The following OR2V1 variants were observed in gnomAD, a reference collection of about 807,000 sequenced individuals.
OR2V1 encodes the protein olfactory receptor family 2 subfamily V member 1, also known as olfactory receptor 2V1.
A neutral mutation model predicts 15.0 loss-of-function variants in OR2V1; 18 were observed. That is an observed-to-expected ratio of 1.20 (90% CI 0.83 to 1.78). The LOEUF (loss-of-function observed/expected upper bound fraction) is 1.78, where lower values mean the gene tolerates loss of function less well. OR2V1 is among the 40% of genes most tolerant of loss of function. The pLI is 0.00. For missense variants in OR2V1, 359 were observed against 392.9 expected (o/e 0.91, Z 0.73); for synonymous variants, 144 against 146.1 (o/e 0.99, Z 0.10).
At position 181,123,346 on chromosome 5, in the gene OR2V1, G is replaced by C; in HGVS notation, c.*1011C>G. ...CCCTCCGGAGGTCCTGACGACACGT[G>C]CCCAAGGTGGTCAGGGCACGCTTGG... is the stretch of plus-strand genomic sequence containing the variant. On this transcript the variant is annotated 3_prime_UTR_variant, in exon 4 of 4. Coordinates refer to ENST00000641551, the MANE Select transcript of OR2V1 (RefSeq NM_001258283.2). 6.6e-6 allele frequency: 1 copy of C among 152,490 alleles called. No homozygotes were observed. Among genetic ancestry groups the C allele is most frequent in the Non-Finnish European group, 1.5e-5 (1 of 68,122 alleles). The allele number at this position is 152,490 out of a possible 1,614,324, so 9.4% of individuals were successfully genotyped here.
intron 3 of OR2V1, among the ~76,000 whole-genome samples, chr5:181,128,192 TCACA>T (rs34343246): frequency 0.19 from 7,929 of 41,352 alleles, 640 homozygotes; most frequent in African/African-American, 0.36. Context: ...TGTCCTCTCC[TCACA>T]CACACACACA....
chr5:181,130,482 G>T, intron 1 of OR2V1: 1 of 370,456 alleles, frequency 2.7e-6, no homozygotes, highest in Non-Finnish European at 4.8e-6. Flanking sequence ...GGAGCCAGGA[G>T]CAGTGCCCTG....
chr5:181,128,548 C>T (rs927971691), intron 3 of OR2V1, among the ~76,000 whole-genome samples: 1 of 152,250 alleles, frequency 6.6e-6, no homozygotes, highest in African/African-American at 2.4e-5. Context: ...GCCGGTCTCC[C>T]TGCCTCCTGG....
rs746501240 is a variant in OR2V1, at chr5:181,124,537, G to A, written c.768C>T (p.Ala256=). Residue 256 remains alanine (A), a synonymous_variant, in exon 4 of 4, where the codon GCC becomes GCT. Coordinates refer to ENST00000641551, the MANE Select transcript of OR2V1 (RefSeq NM_001258283.2). ...GCCTAGGCCTCAGGTACATGAACAT[G>A]GCTGCCCCATAGAAGAGGGTGACAG... ...LTAVTLFYGA[A]MFMYLRPRRY... The A allele has an allele frequency of 6.2e-7, 1 of 1,613,386 alleles. No individual in the cohort carries two copies. Among genetic ancestry groups the A allele is most frequent in the Admixed American group, 1.7e-5 (1 of 59,982 alleles).
intron 1 of OR2V1, 178 bp from the exon 2 acceptor site, chr5:181,130,393 G>T (rs1330116200): frequency 7.6e-6 from 3 of 395,732 alleles, no homozygotes; most frequent in Non-Finnish European, 1.3e-5. Flanking sequence ...GGCTCAGAGA[G>T]CAAGGCTCAC....
chr5:181,123,534 T>C lies in OR2V1; in HGVS notation c.*823A>G, dbSNP rs184034777. On this transcript the variant is annotated 3_prime_UTR_variant, in exon 4 of 4. Coordinates refer to ENST00000641551, the MANE Select transcript of OR2V1 (RefSeq NM_001258283.2). ...AGTCTTTTGAGTTTCCGATGAGACATTCCAAAGGAGTCAATCAGAAGCTGC... is the reference window on the plus strand; with the variant it reads ...AGTCTTTTGAGTTTCCGATGAGACACTCCAAAGGAGTCAATCAGAAGCTGC... The C allele has an allele frequency of 0.033, 5,118 of 153,500 alleles. 253 individuals carry two copies. The highest frequency in any genetic ancestry group is 0.11 in the African/African-American group (4,685 of 41,482). 9.5% of individuals were successfully genotyped at this position (153,500 alleles called of 1,614,324 possible).
chr5:181,129,969 G>A (rs1162540737), intron 2 of OR2V1, among the ~76,000 whole-genome samples: 5 of 152,242 alleles, frequency 3.3e-5, no homozygotes, highest in East Asian at 1.9e-4. Flanking sequence ...GGAAGAGAAC[G>A]AGAAGAAAGA....
Position 181,123,481 on chromosome 5 carries a change from C to A in OR2V1, c.*876G>T. Reference sequence around the variant, plus strand: ...CGAAGCAGGGAGGGGGCTTCCAGGTCACAGGTAGGTGAGAGACAAATGGTT... The same window carrying A: ...CGAAGCAGGGAGGGGGCTTCCAGGTAACAGGTAGGTGAGAGACAAATGGTT... On this transcript the variant is annotated 3_prime_UTR_variant, in exon 4 of 4. Coordinates refer to ENST00000641551, the MANE Select transcript of OR2V1 (RefSeq NM_001258283.2). 2 of 160,688 alleles carry A rather than the reference C, an allele frequency of 1.2e-5. No homozygotes were observed. Among genetic ancestry groups the A allele is most frequent in the South Asian group, 3.3e-4 (2 of 6,056 alleles). 10.0% of individuals were successfully genotyped at this position (160,688 alleles called of 1,614,324 possible).
At position 181,124,189 on chromosome 5, in the gene OR2V1, T is replaced by C. The variant is rs1762840634; in HGVS notation, c.*168A>G. 1 of 553,670 alleles carries C rather than the reference T, an allele frequency of 1.8e-6. No homozygotes were observed. Among genetic ancestry groups the C allele is most frequent in the Non-Finnish European group, 2.9e-6 (1 of 350,840 alleles). The allele number at this position is 553,670 out of a possible 1,614,324, so 34.3% of individuals were successfully genotyped here. On this transcript the variant is annotated 3_prime_UTR_variant, in exon 4 of 4. Transcript: ENST00000641551. ...GTGTCCTGATTATCTTTTTTTCCTT[T>C]TTTTTTGGTACAGAAATGTTCATAA...
In OR2V1 at chr5:181,124,966, C is replaced by T. The variant is rs753073184; in HGVS notation, c.339G>A (p.Gly113=). 6.2e-7 allele frequency: 1 copy of T among 1,614,080 alleles called. No individual in the cohort carries two copies. The highest frequency in any genetic ancestry group is 2.2e-5 in the East Asian group (1 of 44,878). ...CATAAGCCATGAGTCCCAGCAAGAG[C>T]CCCTCAGATCCCACAAGAGAGACAA... is the stretch of plus-strand genomic sequence containing the variant. The part of the protein sequence containing the change: ...GFFVSLVGSE[G]LLLGLMAYDR... The change falls in exon 4 of 4, where the codon GGG becomes GGA. Residue 113 remains glycine (G), a synonymous_variant. Coordinates refer to ENST00000641551, the MANE Select transcript of OR2V1 (RefSeq NM_001258283.2).
In OR2V1 at chr5:181,124,371, C is replaced by A; in HGVS notation, c.934G>T (p.Gly312Cys). ...GACTCTGGGGTTCAGTGCTGGCTGC[C>A]AATCCTGCAGCGGTCCAGCCCCTTC... ...LRKGLDRCRI[G>C]SQH Residue 312 changes from glycine to cysteine, a missense_variant, in exon 4 of 4, where the codon GGC (glycine) becomes TGC (cysteine). By Grantham distance (159) the Gly-to-Cys change is radical. Transcript: ENST00000641551. 6.3e-7 allele frequency: 1 copy of A among 1,579,952 alleles called. No individual in the cohort carries two copies. The highest frequency in any genetic ancestry group is 8.6e-7 in the Non-Finnish European group (1 of 1,162,078).
At chr5:181,127,275 G>A (rs1157963681) in intron 3 of OR2V1, among the ~76,000 whole-genome samples, 2 of 152,238 alleles carry the variant, frequency 1.3e-5, no homozygotes, top group African/African-American at 2.4e-5. Context: ...ATGTGATGGA[G>A]TGACATGTGG....
At position 181,125,411 on chromosome 5, in the gene OR2V1, A is replaced by G; in HGVS notation, c.-21-86T>C. 5 of 1,006,380 alleles carry G rather than the reference A, an allele frequency of 5.0e-6. No individual in the cohort carries two copies. The South Asian group carries it at 6.5e-5, about 13-fold the overall frequency. The allele number at this position is 1,006,380 out of a possible 1,614,324, so 62.3% of individuals were successfully genotyped here. A position where few individuals can be genotyped will look rare whatever the true frequency, so the allele number is the denominator to read the frequency against. Reference sequence around the variant, plus strand: ...TCAGTTCAACAGCGTATGCTCTGAGAGATGCAGGAGGACACTCGTATTCCT... The same window carrying G: ...TCAGTTCAACAGCGTATGCTCTGAGGGATGCAGGAGGACACTCGTATTCCT... On this transcript the variant is annotated intron_variant, in intron 3 of 3. Transcript: ENST00000641551.
rs569917975 is a variant in OR2V1 at position 181,127,800 on chromosome 5, A to C, written c.-22+1720T>G. 2.6e-5 allele frequency among the ~76,000 whole-genome samples: 4 copies of C among 151,980 alleles called. No individual in the cohort carries two copies. In the South Asian group the frequency reaches 6.2e-4, roughly 24 times the overall value. Reference sequence around the variant, plus strand: ...AGCCGCAGGTTCCACCCAGCAGCGAAACAAACCAGGTTCCCCCAGATCCCC... The same window carrying C: ...AGCCGCAGGTTCCACCCAGCAGCGACACAAACCAGGTTCCCCCAGATCCCC... On this transcript the variant is annotated intron_variant, in intron 3 of 3. Coordinates refer to ENST00000641551, the MANE Select transcript of OR2V1 (RefSeq NM_001258283.2).
rs1015465206 is a variant in OR2V1 at position 181,124,354 on chromosome 5, G to A, written c.*3C>T. 15 of 1,554,252 alleles carry A rather than the reference G, an allele frequency of 9.7e-6. No individual in the cohort carries two copies. The East Asian group carries it at 2.7e-4, about 28-fold the overall frequency. On this transcript the variant is annotated 3_prime_UTR_variant, in exon 4 of 4. Transcript: ENST00000641551. ...GGGCACAGCAGGCACCAGACTCTGG[G>A]GTTCAGTGCTGGCTGCCAATCCTGC...
rs189421357 is a variant in OR2V1 at position 181,126,616 on chromosome 5, A to G, written c.-21-1291T>C. On this transcript the variant is annotated intron_variant, in intron 3 of 3. Transcript: ENST00000641551. ...TACACGGAGTCACACACACAGCCATATAAACAAAGACACACACACAGATAC... is the reference window on the plus strand; with the variant it reads ...TACACGGAGTCACACACACAGCCATGTAAACAAAGACACACACACAGATAC... 6.6e-5 allele frequency among the ~76,000 whole-genome samples: 10 copies of G among 152,254 alleles called. No individual in the cohort carries two copies. In the East Asian group the frequency reaches 1.9e-3, roughly 29 times the overall value.
In OR2V1 at chr5:181,124,954, T is replaced by A. The variant is rs1762854056; in HGVS notation, c.351A>T (p.Gly117=). 16 of 1,613,854 alleles carry A rather than the reference T, an allele frequency of 9.9e-6. No individual in the cohort carries two copies. The highest frequency in any genetic ancestry group is 1.4e-5 in the Non-Finnish European group (16 of 1,179,966). The change falls in exon 4 of 4, where the codon GGA becomes GGT. Residue 117 remains glycine, a synonymous_variant. Transcript: ENST00000641551. ...CCACGTAGCGGTCATAAGCCATGAGTCCCAGCAAGAGCCCCTCAGATCCCA... is the reference window on the plus strand; with the variant it reads ...CCACGTAGCGGTCATAAGCCATGAGACCCAGCAAGAGCCCCTCAGATCCCA... ...SLVGSEGLLL[G]LMAYDRYVAV...
intron 3 of OR2V1, among the ~76,000 whole-genome samples, chr5:181,127,204 C>T (rs1762886322): frequency 6.6e-6 from 1 of 152,230 alleles, no homozygotes; most frequent in Non-Finnish European, 1.5e-5. Flanking sequence ...TGGCAGCCCC[C>T]AGAATGGTGC....
chr5:181,125,577 G>A (rs552709427), intron 3 of OR2V1, among the ~76,000 whole-genome samples: 1 of 152,356 alleles, frequency 6.6e-6, no homozygotes, highest in South Asian at 2.1e-4. Flanking sequence ...GGCCAGCAAA[G>A]CCCAGGCTTT....
Sources: allele counts gnomAD v4.1 joint callset (sites outside exome capture counted in the v4.1 genomes callset), GRCh38; gene constraint gnomAD v4.1.1; transcripts MANE v1.5; gene names NCBI Gene and HGNC (gene_info 2026-07-23, HGNC 2026-07-21).